The following GINS3 variants were observed in gnomAD, a reference collection of about 807,000 sequenced individuals.
GINS3 encodes GINS complex subunit 3, also known as DNA replication complex GINS protein PSF3.
Under a neutral mutation model 20.0 loss-of-function variants are expected in GINS3, and 18 were observed. The observed-to-expected ratio is 0.90, with a 90% confidence interval of 0.62 to 1.33. The LOEUF is 1.33. Among genes scored for constraint, GINS3 ranks in the 40% most tolerant of loss-of-function variants. GINS3 has a pLI of 0.00. For synonymous variants in GINS3, 109 were observed against 107.0 expected (o/e 1.02, Z -0.12); for missense variants, 254 against 273.6 (o/e 0.93, Z 0.51).
At position 58,405,265 on chromosome 16, in the gene GINS3, A is replaced by G. The variant is rs1966015253; in HGVS notation, c.*536A>G. 1.3e-5 allele frequency: 2 copies of G among 153,676 alleles called. No individual in the cohort carries two copies. The highest frequency in any genetic ancestry group is 4.1e-4 in the South Asian group (2 of 4,890). The allele number at this position is 153,676 out of a possible 1,614,324, so 9.5% of individuals were successfully genotyped here. The stretch of plus-strand genomic sequence containing the variant: ...CTGCAGGGAGTTACCCCAGTTTCCA[A>G]AAACAGTCGCCCAGATAAAGGAGGA... On this transcript the variant is annotated 3_prime_UTR_variant, in exon 3 of 3. Transcript: ENST00000318129.
At chr16:58,400,391 C>T (rs1458862658) in intron 1 of GINS3, among the ~76,000 whole-genome samples, 1 of 152,214 alleles carries the variant, frequency 6.6e-6, no homozygotes. Context: ...GTTAAAGACT[C>T]AGTCCCCAGG....
At chr16:58,398,535 G>A (rs1234074362) in intron 1 of GINS3, among the ~76,000 whole-genome samples, 1 of 152,128 alleles carries the variant, frequency 6.6e-6, no homozygotes, top group Admixed American at 6.5e-5. Flanking sequence ...CTTAAGCCTT[G>A]GAGGGTCAGT....
chr16:58,403,596 A>G (rs1211671711), intron 2 of GINS3: 1 of 443,846 alleles, frequency 2.3e-6, no homozygotes, highest in Non-Finnish European at 4.1e-6. Context: ...ACTCTAGGAA[A>G]TGAGAAAAGG....
chr16:58,394,067 C>T (rs946836156), intron 1 of GINS3, among the ~76,000 whole-genome samples: 6 of 152,046 alleles, frequency 3.9e-5, no homozygotes, highest in African/African-American at 1.4e-4. Context: ...ATGAGGATTT[C>T]GTTCCCATAC....
chr16:58,394,454 A>G (rs1038692374), intron 1 of GINS3, among the ~76,000 whole-genome samples: 3 of 151,922 alleles, frequency 2.0e-5, no homozygotes, highest in East Asian at 1.9e-4. Flanking sequence ...GGTTCAAGCA[A>G]TTCTGCCTCA....
Position 58,405,804 on chromosome 16 carries a change from A to G in GINS3, c.*1075A>G, listed in dbSNP as rs1395607040. ...AAACAGGGTTCCCTGGGCCCATTAG[A>G]CTGTTTGCAGGGCATCACTGCTTCC... On this transcript the variant is annotated 3_prime_UTR_variant, in exon 3 of 3. Transcript: ENST00000318129. 6.6e-6 allele frequency: 1 copy of G among 152,138 alleles called. No homozygotes were observed. The highest frequency in any genetic ancestry group is 1.5e-5 in the Non-Finnish European group (1 of 68,026). 9.4% of individuals were successfully genotyped at this position (152,138 alleles called of 1,614,324 possible). A position where few individuals can be genotyped will look rare whatever the true frequency, so the allele number is the denominator to read the frequency against.
In GINS3 at chr16:58,395,987, A is replaced by T; in HGVS notation, c.186+3200A>T. Among the ~76,000 whole-genome samples the T allele has an allele frequency of 1.7e-5, 2 of 117,760 alleles. 1 individual carries two copies. The highest frequency in any genetic ancestry group is 3.6e-5 in the Non-Finnish European group (2 of 55,448). The allele number at this position is 117,760 out of a possible 152,430, so 77.3% of individuals were successfully genotyped here. On this transcript the variant is annotated intron_variant, in intron 1 of 2. Transcript: ENST00000318129. ...TGGCCCCCCCACCTCCCTCCCGGAC[A>T]GGGCGGCTGGCTGGGCAGAGGGGCT...
Position 58,392,618 on chromosome 16 carries a change from T to G in GINS3, c.17T>G (p.Phe6Cys). The change falls in exon 1 of 3, where the codon TTC becomes TGC. Residue 6 changes from phenylalanine (F) to cysteine (C), a missense_variant. Coordinates refer to ENST00000318129, the MANE Select transcript of GINS3 (RefSeq NM_022770.4). Reference sequence around the variant, plus strand: ...GTGGCCGCCATGTCAGAGGCTTATTTCCGAGTGGAGTCGGGTGCGCTGGGG... The same window carrying G: ...GTGGCCGCCATGTCAGAGGCTTATTGCCGAGTGGAGTCGGGTGCGCTGGGG... MSEAY[F>C]RVESGALGPE... 6.2e-7 allele frequency: 1 copy of G among 1,614,210 alleles called. No homozygotes were observed. Among genetic ancestry groups the G allele is most frequent in the Middle Eastern group, 1.7e-4 (1 of 6,060 alleles).
intron 1 of GINS3, among the ~76,000 whole-genome samples, 174 bp downstream of exon 1, chr16:58,392,961 G>C (rs1965804155): frequency 6.6e-6 from 1 of 152,232 alleles, no homozygotes. Flanking sequence ...CTTCGCGCTC[G>C]GGGTGGTCTC....
chr16:58,395,335 ATATT>A (rs1965839066), intron 1 of GINS3: 5 of 150,882 alleles, frequency 3.3e-5, no homozygotes, highest in East Asian at 2.7e-4. Flanking sequence ...ATATATATAT[ATATT>A]TTTTTTTTAA....
intron 1 of GINS3, among the ~76,000 whole-genome samples, chr16:58,396,380 C>G (rs1468283789): frequency 8.4e-6 from 1 of 118,856 alleles, no homozygotes; most frequent in African/African-American, 3.5e-5. Context: ...GGCGGCTGGC[C>G]GGGCAGGGGG....
At chr16:58,398,158 A>G (rs1279486508) in intron 1 of GINS3, among the ~76,000 whole-genome samples, 2 of 152,094 alleles carry the variant, frequency 1.3e-5, no homozygotes, top group Non-Finnish European at 2.9e-5. Flanking sequence ...ACACAGATAC[A>G]CATTTTGAGA....
intron 1 of GINS3, among the ~76,000 whole-genome samples, chr16:58,395,500 T>A (rs1965841507): frequency 6.6e-6 from 1 of 151,724 alleles, no homozygotes; most frequent in African/African-American, 2.4e-5. Context: ...TTTGTGTCCC[T>A]GGGTACTTGA....
At position 58,404,708 on chromosome 16, in the gene GINS3, A is replaced by C; in HGVS notation, c.630A>C (p.Lys210Asn). 1 of 1,613,740 alleles carries C rather than the reference A, an allele frequency of 6.2e-7. No individual in the cohort carries two copies. Among genetic ancestry groups the C allele is most frequent in the Non-Finnish European group, 8.5e-7 (1 of 1,179,760 alleles). The change falls in exon 3 of 3, where the codon AAA (lysine) becomes AAC (asparagine). Residue 210 changes from lysine (K) to asparagine (N), a missense_variant. Transcript: ENST00000318129. ...SNLVQNYKKR[K>N]FTDMED ...TCGTTCAGAATTACAAGAAGAGAAA[A>C]TTCACTGATATGGAAGACTGAAAGC...
rs1965834400 is a variant in GINS3, at chr16:58,395,203, G to A, written c.186+2416G>A. On this transcript the variant is annotated intron_variant, in intron 1 of 2. Transcript: ENST00000318129. ...AGATCCTCCCACCTCAGCCACCTAT[G>A]TGGCTGGTATTGCAGGTACATGCCA... The A allele has an allele frequency of 1.2e-5, 5 of 408,876 alleles. No individual in the cohort carries two copies. In the Admixed American group the frequency reaches 2.2e-4, roughly 18 times the overall value. The allele number at this position is 408,876 out of a possible 1,614,324, so 25.3% of individuals were successfully genotyped here. A position where few individuals can be genotyped will look rare whatever the true frequency, so the allele number is the denominator to read the frequency against.
intron 1 of GINS3, among the ~76,000 whole-genome samples, chr16:58,395,621 T>C (rs560725338): frequency 2.0e-4 from 30 of 152,324 alleles, no homozygotes; most frequent in East Asian, 1.9e-4. Flanking sequence ...GGACACAGCA[T>C]ATGTTTCAGA....
intron 1 of GINS3, among the ~76,000 whole-genome samples, chr16:58,399,304 T>C (rs1421995100): frequency 2.0e-5 from 3 of 150,120 alleles, no homozygotes; most frequent in Non-Finnish European, 4.4e-5. Flanking sequence ...AAAAAAAAAA[T>C]TGAAAAAATG....
chr16:58,392,875 G>T (rs1169283413), intron 1 of GINS3, 88 bp downstream of exon 1: 7 of 1,344,298 alleles, frequency 5.2e-6, no homozygotes, highest in African/African-American at 1.5e-5. Flanking sequence ...GGGGCGCGCT[G>T]CCCTTTGGGA....
At chr16:58,393,608 T>G (rs893423831) in intron 1 of GINS3, 3 of 152,178 alleles carry the variant, frequency 2.0e-5, no homozygotes, top group African/African-American at 7.2e-5. Flanking sequence ...TTTGGGAGGC[T>G]GAGGCGGGCG....
Sources: gnomAD v4.1 joint callset for allele counts (sites outside exome capture counted in the v4.1 genomes callset) on GRCh38, gnomAD v4.1.1 for gene constraint, MANE v1.5 for transcripts, NCBI Gene and HGNC (gene_info 2026-07-23, HGNC 2026-07-21) for gene names.